The following MACROD2 variants were observed in gnomAD, a reference collection of about 807,000 sequenced individuals.
MACROD2 encodes mono-ADP ribosylhydrolase 2.
MACROD2 carries 36 observed loss-of-function variants against 70.4 expected under a neutral mutation model. The ratio of observed to expected loss-of-function variants is 0.51; its 90% CI spans 0.39 to 0.68. The LOEUF (loss-of-function observed/expected upper bound fraction) is 0.68. Among genes scored for constraint, MACROD2 ranks in the 30% least tolerant of loss-of-function variants. The pLI, the probability that MACROD2 is intolerant of heterozygous loss-of-function variation, is 0.00. For synonymous variants in MACROD2, 172 were observed against 178.8 expected (o/e 0.96, Z 0.30); for missense variants, 496 against 538.4 (o/e 0.92, Z 0.78).
chr20:14,579,352 A>G (rs2094120360), intron 4 of MACROD2, among the ~76,000 whole-genome samples: 1 of 151,498 alleles, frequency 6.6e-6, no homozygotes, highest in African/African-American at 2.4e-5. Flanking sequence ...CTTGTTAGCC[A>G]GGATGGTCTC....
In MACROD2 at chr20:14,420,665, T is replaced by G. The variant is rs913630648; in HGVS notation, c.272-72814T>G. 3.9e-5 allele frequency among the ~76,000 whole-genome samples: 6 copies of G among 152,290 alleles called. No individual in the cohort carries two copies. The South Asian group carries it at 1.2e-3, about 32-fold the overall frequency. ...GATGATTTGCAAATATTTTCTCTTA[T>G]TCTGGGGTTTTTCTTTTTAATCTCT... On this transcript the variant is annotated intron_variant, in intron 3 of 17. Coordinates refer to ENST00000684519, the MANE Select transcript of MACROD2 (RefSeq NM_001351661.2).
intron 3 of MACROD2, among the ~76,000 whole-genome samples, chr20:14,146,375 T>G (rs2054943815): frequency 6.6e-6 from 1 of 152,106 alleles, no homozygotes; most frequent in South Asian, 2.1e-4. Context: ...GCTCTGCGAT[T>G]TAGTGGTTGG....
chr20:14,671,505 A>G (rs537672405), intron 4 of MACROD2, among the ~76,000 whole-genome samples: 1 of 152,284 alleles, frequency 6.6e-6, no homozygotes, highest in South Asian at 2.1e-4. Context: ...TCTGCATATT[A>G]TTTAGATCTT....
chr20:14,884,825 A>G (rs1337628202), intron 5 of MACROD2, among the ~76,000 whole-genome samples: 3 of 152,172 alleles, frequency 2.0e-5, no homozygotes, highest in Non-Finnish European at 4.4e-5. Context: ...TGGAGGCTTC[A>G]TCTGTGTAAT....
At chr20:14,465,915 A>T (rs1461256268) in intron 3 of MACROD2, among the ~76,000 whole-genome samples, 1 of 152,244 alleles carries the variant, frequency 6.6e-6, no homozygotes, top group Middle Eastern at 3.4e-3. Context: ...TGTTAGTCTG[A>T]TGGGCTTCCC....
rs933605278 is a variant in MACROD2, at chr20:14,308,546, T to C, written c.272-184933T>C. Among the ~76,000 whole-genome samples the C allele has an allele frequency of 5.3e-5, 8 of 152,288 alleles. No individual in the cohort carries two copies. In the East Asian group the frequency reaches 1.4e-3, roughly 26 times the overall value. On this transcript the variant is annotated intron_variant, in intron 3 of 17. Coordinates refer to ENST00000684519, the MANE Select transcript of MACROD2 (RefSeq NM_001351661.2). ...CATGAAATCAGGCAAACTGGACTTATTATTAGCATGGTACTTAAGAAAATT... is the reference window on the plus strand; with the variant it reads ...CATGAAATCAGGCAAACTGGACTTACTATTAGCATGGTACTTAAGAAAATT...
At chr20:15,268,269 A>G (rs2077314385) in intron 6 of MACROD2, among the ~76,000 whole-genome samples, 1 of 152,234 alleles carries the variant, frequency 6.6e-6, no homozygotes, top group Non-Finnish European at 1.5e-5. Context: ...GAAATGGAAA[A>G]GAAGTTGACT....
intron 5 of MACROD2, among the ~76,000 whole-genome samples, chr20:14,751,315 C>CTT (rs5840630): frequency 1.6e-4 from 24 of 149,346 alleles, no homozygotes; most frequent in East Asian, 7.9e-4. Context: ...CAGTTCCTCC[C>CTT]TTTTTTTTTT....
At chr20:16,008,050 G>T (rs540533989) in intron 15 of MACROD2, among the ~76,000 whole-genome samples, 1 of 152,120 alleles carries the variant, frequency 6.6e-6, no homozygotes, top group Non-Finnish European at 1.5e-5. Context: ...ACTATCTTTC[G>T]CAGGAGTTCT....
rs115549187 is a variant in MACROD2 at position 15,415,396 on chromosome 20, A to G, written c.541-16009A>G. On this transcript the variant is annotated intron_variant, in intron 6 of 17. Transcript: ENST00000684519. ...ATTACATTAAGTGATGTTTGTTACTAACAAAACTGTCATTTTCCATGTTGA... is the reference window on the plus strand; with the variant it reads ...ATTACATTAAGTGATGTTTGTTACTGACAAAACTGTCATTTTCCATGTTGA... Among the ~76,000 whole-genome samples the G allele has an allele frequency of 8.3e-4, 127 of 152,318 alleles. 1 individual carries two copies. Among genetic ancestry groups the G allele is most frequent in the African/African-American group, 3.0e-3 (126 of 41,586 alleles).
At position 15,724,999 on chromosome 20, in the gene MACROD2, G is replaced by C. The variant is rs542244458; in HGVS notation, c.646-137746G>C. Among the ~76,000 whole-genome samples, 8 of 152,156 alleles carry C rather than the reference G, an allele frequency of 5.3e-5. No homozygotes were observed. In the East Asian group the frequency reaches 1.5e-3, roughly 29 times the overall value. On this transcript the variant is annotated intron_variant, in intron 8 of 17. Coordinates refer to ENST00000684519, the MANE Select transcript of MACROD2 (RefSeq NM_001351661.2). ...TGGGAGGCTGAGGCAGAAGAATGAC[G>C]TGAATCCGGGAGGCGGAGCTTGCAG...
At chr20:15,460,695 T>C (rs2046795878) in intron 7 of MACROD2, among the ~76,000 whole-genome samples, 1 of 152,112 alleles carries the variant, frequency 6.6e-6, no homozygotes, top group African/African-American at 2.4e-5. Context: ...TCTATTACAT[T>C]TTCTTTTAAA....
At chr20:14,460,832 T>A (rs967967110) in intron 3 of MACROD2, among the ~76,000 whole-genome samples, 2 of 152,130 alleles carry the variant, frequency 1.3e-5, no homozygotes, top group Admixed American at 1.3e-4. Context: ...CAGTATTTTA[T>A]TGATGATTTT....
At chr20:15,019,439 A>G (rs968374351) in intron 5 of MACROD2, among the ~76,000 whole-genome samples, 5 of 152,154 alleles carry the variant, frequency 3.3e-5, no homozygotes, top group African/African-American at 1.2e-4. Flanking sequence ...TTTTTCCACT[A>G]CACCCCTGCT....
intron 8 of MACROD2, among the ~76,000 whole-genome samples, chr20:15,643,164 C>A (rs2049488421): frequency 6.6e-6 from 1 of 152,118 alleles, no homozygotes; most frequent in East Asian, 1.9e-4. Flanking sequence ...CCTCTTCCAC[C>A]AGCTGTTCAA....
intron 4 of MACROD2, among the ~76,000 whole-genome samples, chr20:14,538,201 G>A (rs1195330010): frequency 6.6e-6 from 1 of 152,186 alleles, no homozygotes; most frequent in Non-Finnish European, 1.5e-5. Context: ...AGGGGGTGGA[G>A]CATATGACCT....
Position 16,038,233 on chromosome 20 carries a change from T to C in MACROD2, c.1154-2968T>C, listed in dbSNP as rs535877381. ...ATGATTAGACTGAGTGATAGTTTTTTTCATTAATTTTGCTTCGGAATCATA... is the reference window on the plus strand; with the variant it reads ...ATGATTAGACTGAGTGATAGTTTTTCTCATTAATTTTGCTTCGGAATCATA... On this transcript the variant is annotated intron_variant, in intron 15 of 17. Transcript: ENST00000684519. 2.0e-5 allele frequency among the ~76,000 whole-genome samples: 3 copies of C among 152,050 alleles called. No homozygotes were observed. In the South Asian group the frequency reaches 6.2e-4, roughly 32 times the overall value.
intron 5 of MACROD2, among the ~76,000 whole-genome samples, chr20:15,108,458 C>T (rs2123213972): frequency 6.6e-6 from 1 of 152,190 alleles, no homozygotes; most frequent in Non-Finnish European, 1.5e-5. Context: ...TAAGCACATG[C>T]CACATTGCTA....
At chr20:14,709,786 T>C (rs1485426829) in intron 5 of MACROD2, among the ~76,000 whole-genome samples, 3 of 152,214 alleles carry the variant, frequency 2.0e-5, no homozygotes, top group African/African-American at 7.2e-5. Context: ...TAGGTCATTT[T>C]AAATTTATTC....
Sources: allele counts gnomAD v4.1 joint callset (sites outside exome capture counted in the v4.1 genomes callset), GRCh38; gene constraint gnomAD v4.1.1; transcripts MANE v1.5; gene names NCBI Gene and HGNC (gene_info 2026-07-23, HGNC 2026-07-21).